Variants in SFMBT2 observed in about 807,000 individuals in gnomAD.
The protein encoded by SFMBT2 is scm-like with four MBT domains protein 2.
SFMBT2 carries 38 observed loss-of-function variants against 110.1 expected under a neutral mutation model. That is an observed-to-expected ratio of 0.35 (90% CI 0.27 to 0.45). SFMBT2 has a LOEUF of 0.45. Ranked by LOEUF, SFMBT2 falls within the 20% of genes least tolerant of loss-of-function variation. SFMBT2 has a pLI of 1.00. For missense variants in SFMBT2, 1,011 were observed against 1,094.9 expected, an observed-to-expected ratio of 0.92 and a Z score of 1.08; for synonymous variants, 425 against 425.4, an observed-to-expected ratio of 1.00 and a Z score of 0.01.
chr10:7,359,363 A>C (rs1202470882), intron 4 of SFMBT2, among the ~76,000 whole-genome samples: 2 of 152,186 alleles, frequency 1.3e-5, no homozygotes, highest in African/African-American at 4.8e-5. Flanking sequence ...GCACCAAGGG[A>C]GGGAGAGGCC....
At chr10:7,349,303 T>A (rs890801938) in intron 4 of SFMBT2, among the ~76,000 whole-genome samples, 1 of 151,986 alleles carries the variant, frequency 6.6e-6, no homozygotes, top group African/African-American at 2.4e-5. Context: ...CCCCCAGGAA[T>A]TTCATCCCAA....
At chr10:7,339,629 T>C (rs1208167894) in intron 4 of SFMBT2, among the ~76,000 whole-genome samples, 1 of 152,192 alleles carries the variant, frequency 6.6e-6, no homozygotes, top group Non-Finnish European at 1.5e-5. Flanking sequence ...CAAATTAGAC[T>C]GCATCCTTAA....
chr10:7,279,374 G>C (rs1841878417), intron 6 of SFMBT2, among the ~76,000 whole-genome samples: 1 of 152,164 alleles, frequency 6.6e-6, no homozygotes, highest in African/African-American at 2.4e-5. Context: ...AAGATTCTCT[G>C]TTTTCTTTCC....
At chr10:7,357,334 T>TACA (rs1248963473) in intron 4 of SFMBT2, among the ~76,000 whole-genome samples, 1 of 152,156 alleles carries the variant, frequency 6.6e-6, no homozygotes, top group Non-Finnish European at 1.5e-5. Context: ...GACTAACATT[T>TACA]AAATAAGTAC....
intron 16 of SFMBT2, among the ~76,000 whole-genome samples, chr10:7,184,763 C>A (rs780953268): frequency 6.6e-6 from 1 of 151,976 alleles, no homozygotes; most frequent in East Asian, 1.9e-4. Flanking sequence ...GGTGTGGGAG[C>A]GGAGGACGAG....
chr10:7,320,140 A>G (rs1274511835), intron 4 of SFMBT2, among the ~76,000 whole-genome samples: 3 of 152,194 alleles, frequency 2.0e-5, no homozygotes, highest in African/African-American at 7.2e-5. Flanking sequence ...GACAACGCCA[A>G]CTTGGCCAGA....
rs112520871 is a variant in SFMBT2, at chr10:7,162,530, C to G, written c.*1240G>C. 1 of 152,210 alleles carries G rather than the reference C, an allele frequency of 6.6e-6. No individual in the cohort carries two copies. Among genetic ancestry groups the G allele is most frequent in the East Asian group, 1.9e-4 (1 of 5,194 alleles). The allele number at this position is 152,210 out of a possible 1,614,324, so 9.4% of individuals were successfully genotyped here. On this transcript the variant is annotated 3_prime_UTR_variant, in exon 21 of 21. Transcript: ENST00000397167. ...TCATATGCTGCCAGCTAGGGCAGAA[C>G]GAGACAGAAGGGACGCTCAGAGGGA...
intron 4 of SFMBT2, among the ~76,000 whole-genome samples, chr10:7,319,374 A>G (rs978074495): frequency 3.3e-5 from 5 of 152,212 alleles, no homozygotes; most frequent in African/African-American, 1.2e-4. Flanking sequence ...ATACTGTCAC[A>G]GAGCTGCAAA....
rs1443886869 is a variant in SFMBT2, at chr10:7,220,637, C to T, written c.1204-100G>A. On this transcript the variant is annotated intron_variant, in intron 10 of 20. Coordinates refer to ENST00000397167, the MANE Select transcript of SFMBT2 (RefSeq NM_001387889.1). ...AAGAAATGCACGCACACGCATCTTA[C>T]ATCGACAAGACAGGCTCACGTATGT... 3.3e-6 allele frequency: 4 copies of T among 1,219,972 alleles called. No individual in the cohort carries two copies. In the African/African-American group the frequency reaches 6.0e-5, roughly 18 times the overall value. 75.6% of individuals were successfully genotyped at this position (1,219,972 alleles called of 1,614,324 possible).
chr10:7,301,154 A>G lies in SFMBT2; in HGVS notation c.437-15200T>C, dbSNP rs1301604135. Among the ~76,000 whole-genome samples, 1 of 152,224 alleles carries G rather than the reference A, an allele frequency of 6.6e-6. No individual in the cohort carries two copies. The highest frequency in any genetic ancestry group is 2.4e-5 in the African/African-American group (1 of 41,448). On this transcript the variant is annotated intron_variant, in intron 4 of 20. Transcript: ENST00000397167. This position sits in a 1 kb window ranked among gnomAD's most constrained non-coding sequence, Gnocchi z 4.2. ...GAGGCAGTTGAGAACCATGCCTGCA[A>G]CGAACAGAAGTTCCTTCACTGAAAG...
intron 14 of SFMBT2, chr10:7,198,136 T>C (rs1448343397): frequency 5.1e-6 from 5 of 985,218 alleles, no homozygotes; most frequent in Non-Finnish European, 2.4e-6. Context: ...ATATATGATA[T>C]ATTAAACATA....
At chr10:7,383,863 C>T (rs1845500222) in intron 1 of SFMBT2, among the ~76,000 whole-genome samples, 1 of 152,054 alleles carries the variant, frequency 6.6e-6, no homozygotes, top group Non-Finnish European at 1.5e-5. Flanking sequence ...AGTGTGAGAG[C>T]TATGGGTAAA....
At chr10:7,230,772 C>T (rs1223017238) in intron 9 of SFMBT2, among the ~76,000 whole-genome samples, 1 of 151,884 alleles carries the variant, frequency 6.6e-6, no homozygotes, top group East Asian at 1.9e-4. Context: ...GTCTCTACTA[C>T]AAATACAAAA....
At chr10:7,325,338 G>A (rs530605839) in intron 4 of SFMBT2, among the ~76,000 whole-genome samples, 30 of 152,192 alleles carry the variant, frequency 2.0e-4, no homozygotes, top group South Asian at 1.5e-3. Context: ...GTTCACAAAC[G>A]TTCAGGCCAT....
intron 4 of SFMBT2, among the ~76,000 whole-genome samples, chr10:7,339,988 C>A (rs1445456978): frequency 6.6e-6 from 1 of 152,104 alleles, no homozygotes; most frequent in Non-Finnish European, 1.5e-5. Context: ...GTGCTTAGGG[C>A]CTTAACACTA....
At chr10:7,192,047 C>CT (rs1838617371) in intron 15 of SFMBT2, among the ~76,000 whole-genome samples, 1 of 146,930 alleles carries the variant, frequency 6.8e-6, no homozygotes, top group Non-Finnish European at 1.5e-5. Flanking sequence ...GCCTGACATG[C>CT]AAAAAAAAAA....
chr10:7,394,072 G>A (rs779221761), intron 1 of SFMBT2, among the ~76,000 whole-genome samples: 2 of 151,674 alleles, frequency 1.3e-5, no homozygotes, highest in Non-Finnish European at 2.9e-5. Context: ...CTTCGATCTC[G>A]GCTCACTGCC....
At chr10:7,194,266 G>A (rs1419902833) in intron 15 of SFMBT2, among the ~76,000 whole-genome samples, 2 of 152,074 alleles carry the variant, frequency 1.3e-5, no homozygotes, top group African/African-American at 2.4e-5. Context: ...GGCCAGACAC[G>A]CTCGTGGTCC....
At chr10:7,224,413 C>T (rs1211909197) in intron 10 of SFMBT2, among the ~76,000 whole-genome samples, 1 of 152,186 alleles carries the variant, frequency 6.6e-6, no homozygotes, top group Non-Finnish European at 1.5e-5. Flanking sequence ...GTCTGAGTCT[C>T]CCCTCACTTT....
Sources: allele counts gnomAD v4.1 joint callset (sites outside exome capture counted in the v4.1 genomes callset), GRCh38; gene constraint gnomAD v4.1.1; non-coding constraint Gnocchi (gnomAD v3.1); transcripts MANE v1.5; gene names NCBI Gene and HGNC (gene_info 2026-07-23, HGNC 2026-07-21).